Variants in ESX1 observed in about 807,000 individuals in gnomAD.
The protein encoded by ESX1 is homeobox protein ESX1.
In ESX1, 2 loss-of-function variants were observed where a neutral mutation model predicts 13.2. The observed-to-expected ratio is 0.15, with a 90% confidence interval of 0.06 to 0.48. The LOEUF is 0.48. ESX1 is among the 20% of genes least tolerant of loss of function. The pLI, the probability that ESX1 is intolerant of heterozygous loss-of-function variation, is 0.97. For missense variants in ESX1, 307 were observed against 379.0 expected (o/e 0.81, Z 1.58); for synonymous variants, 157 against 163.1 (o/e 0.96, Z 0.29).
Position 104,250,266 on chromosome X carries a change from G to C in ESX1, c.1183C>G (p.Pro395Ala), listed in dbSNP as rs372235695. 7.4e-6 allele frequency: 9 copies of C among 1,210,014 alleles called. No homozygotes were observed. Among genetic ancestry groups the C allele is most frequent in the Non-Finnish European group, 1.0e-5 (9 of 894,510 alleles). ...GLAPVHITWA[P>A]VINSYYACPF... ...CATGCATAATAACTGTTGATGACAG[G>C]GGCCCATGTGATGTGTACAGGAGCC... Residue 395 changes from proline to alanine, a missense_variant, in exon 4 of 4, where the codon CCT becomes GCT. This residue lies in a region of ESX1 where 47 missense variants were observed against 117.0 expected (regional missense o/e 0.40). Transcript: ENST00000372588.
intron 3 of ESX1, among the ~76,000 whole-genome samples, chrX:104,252,437 T>C (rs1160639920): frequency 2.7e-5 from 3 of 112,163 alleles, no homozygotes; most frequent in Non-Finnish European, 5.6e-5. Context: ...GATATATGTA[T>C]GTATGTATGT....
chrX:104,254,123 G>A, intron 2 of ESX1, 31 bp downstream of exon 2: 1 of 1,174,415 alleles, frequency 8.5e-7, no homozygotes, highest in Non-Finnish European at 1.1e-6. Context: ...GTCCCGGGAT[G>A]AACTGGGCGC....
intron 3 of ESX1, among the ~76,000 whole-genome samples, chrX:104,252,241 A>G (rs993659690): frequency 8.9e-6 from 1 of 112,258 alleles, no homozygotes; most frequent in Non-Finnish European, 1.9e-5. Flanking sequence ...TAGGTTTTAA[A>G]TATTTTAAAT....
chrX:104,252,538 G>A (rs1556394583), intron 3 of ESX1, among the ~76,000 whole-genome samples: 2 of 112,200 alleles, frequency 1.8e-5, no homozygotes, highest in East Asian at 2.8e-4. Context: ...TACAGATATA[G>A]AAGGAAGATG....
At chrX:104,252,622 C>A (rs782509984) in intron 3 of ESX1, among the ~76,000 whole-genome samples, 161 bp downstream of exon 3, 1 of 111,765 alleles carries the variant, frequency 8.9e-6, no homozygotes, top group South Asian at 3.7e-4. Context: ...CTGAAGTTTA[C>A]ACATCCTATT....
chrX:104,254,445 T>C lies in ESX1; in HGVS notation c.215A>G (p.Gln72Arg). The C allele has an allele frequency of 8.2e-7, 1 of 1,212,378 alleles. No individual in the cohort carries two copies. The highest frequency in any genetic ancestry group is 1.7e-5 in the African/African-American group (1 of 57,998). Residue 72 changes from glutamine to arginine, a missense_variant, in exon 2 of 4, where the codon CAA becomes CGA. Transcript: ENST00000372588. ...GTGGCCGCCGCCACCCTCACGGTCT[T>C]GGTCGTCCGAGGGGACGGACCCTTC... ...GTEGSVPSDDQDREGGGGHEP... is the reference protein window; with the variant it reads ...GTEGSVPSDDRDREGGGGHEP...
chrX:104,250,154 A>T lies in ESX1; in HGVS notation c.*74T>A. On this transcript the variant is annotated 3_prime_UTR_variant, in exon 4 of 4. Coordinates refer to ENST00000372588, the MANE Select transcript of ESX1 (RefSeq NM_153448.4). ...TCATTTAACAAGCATCTAACGAATT[A>T]CTTGATGCTGTGCTGTGCACAATTT... 1 of 1,111,324 alleles carries T rather than the reference A, an allele frequency of 9.0e-7. No individual in the cohort carries two copies. Among genetic ancestry groups the T allele is most frequent in the African/African-American group, 1.8e-5 (1 of 54,376 alleles). The allele number at this position is 1,111,324 out of a possible 1,213,427, so 91.6% of individuals were successfully genotyped here. A position where few individuals can be genotyped will look rare whatever the true frequency, so the allele number is the denominator to read the frequency against.
chrX:104,253,153 C>CAT (rs1284437014), intron 2 of ESX1, among the ~76,000 whole-genome samples: 1,271 of 62,857 alleles, frequency 0.02, 18 homozygotes, highest in East Asian at 0.071. Flanking sequence ...AAAAAAAAAA[C>CAT]ATATATATAT....
chrX:104,253,565 C>G (rs1160992719), intron 2 of ESX1, among the ~76,000 whole-genome samples: 12 of 111,546 alleles, frequency 1.1e-4, no homozygotes, highest in Non-Finnish European at 1.7e-4. Flanking sequence ...TGCTCTTTGC[C>G]GGGCGAAGGC....
chrX:104,254,076 G>C, intron 2 of ESX1, 78 bp downstream of exon 2: 1 of 1,112,119 alleles, frequency 9.0e-7, no homozygotes, highest in Non-Finnish European at 1.2e-6. Context: ...GGCAGCGCCC[G>C]TGAGCCCCCT....
Position 104,250,615 on chromosome X carries a change from G to A in ESX1, c.834C>T (p.Pro278=), listed in dbSNP as rs369054321. The change falls in exon 4 of 4, where the codon CCC becomes CCT. Residue 278 remains proline, a synonymous_variant. Transcript: ENST00000372588. ...GTGGCACAGGCGCCATGCGTGAGCC[G>A]GGTGGCACAGGCGCCATGGGTGGCA... ...APMPPMAPVP[P]GSRMAPVPPG... is the part of the protein sequence containing the mutation. 45 of 1,202,025 alleles carry A rather than the reference G, an allele frequency of 3.7e-5. No individual in the cohort carries two copies. The African/African-American group carries it at 4.2e-4, about 11-fold the overall frequency.
chrX:104,252,250 ATAAT>A (rs1461563026), intron 3 of ESX1, among the ~76,000 whole-genome samples: 1 of 112,354 alleles, frequency 8.9e-6, no homozygotes, highest in Admixed American at 9.5e-5. Flanking sequence ...AATATTTTAA[ATAAT>A]TTAGTACAGT....
In ESX1 at chrX:104,254,432, A is replaced by G. The variant is rs372065561; in HGVS notation, c.228T>C (p.Gly76=). The G allele has an allele frequency of 5.4e-4, 651 of 1,208,917 alleles. No homozygotes were observed. The highest frequency in any genetic ancestry group is 6.9e-4 in the Middle Eastern group (3 of 4,352). The change falls in exon 2 of 4, where the codon GGT becomes GGC. Residue 76 remains glycine (G), a synonymous_variant. Coordinates refer to ENST00000372588, the MANE Select transcript of ESX1 (RefSeq NM_153448.4). Reference sequence around the variant, plus strand: ...GTTGCTCCGGCTCGTGGCCGCCGCCACCCTCACGGTCTTGGTCGTCCGAGG... The same window carrying G: ...GTTGCTCCGGCTCGTGGCCGCCGCCGCCCTCACGGTCTTGGTCGTCCGAGG... The part of the protein sequence containing the change: ...SVPSDDQDRE[G]GGGHEPEQQQ...
Position 104,250,473 on chromosome X carries a change from G to A in ESX1, c.976C>T (p.Pro326Ser). The A allele has an allele frequency of 1.1e-6, 1 of 936,124 alleles. No individual in the cohort carries two copies. The highest frequency in any genetic ancestry group is 5.0e-5 in the East Asian group (1 of 20,041). 77.1% of individuals were successfully genotyped at this position (936,124 alleles called of 1,213,427 possible). A position where few individuals can be genotyped will look rare whatever the true frequency, so the allele number is the denominator to read the frequency against. Reference protein sequence around the residue: ...PPMAPVPPGPPMARVPPGPPM... With the variant: ...PPMAPVPPGPSMARVPPGPPM... Reference sequence around the variant, plus strand: ...GGCCCGGGTGGCACACGCGCCATGGGCGGCCCGGGTGGCACAGGCGCCATG... The same window carrying A: ...GGCCCGGGTGGCACACGCGCCATGGACGGCCCGGGTGGCACAGGCGCCATG... Residue 326 changes from proline to serine, a missense_variant, in exon 4 of 4, where the codon CCC becomes TCC. Pro to Ser is a moderately conservative substitution (Grantham distance 74). This residue lies in a region of ESX1 where 47 missense variants were observed against 117.0 expected (regional missense o/e 0.40). Coordinates refer to ENST00000372588, the MANE Select transcript of ESX1 (RefSeq NM_153448.4).
rs1330768144 is a variant in ESX1, at chrX:104,250,465, C to T, written c.984G>A (p.Ala328=). The part of the protein sequence containing the change: ...MAPVPPGPPM[A]RVPPGPPMAR... ...CCATGGGCGGCCCGGGTGGCACACG[C>T]GCCATGGGCGGCCCGGGTGGCACAG... The change falls in exon 4 of 4, where the codon GCG becomes GCA. Residue 328 remains alanine (A), a synonymous_variant. Coordinates refer to ENST00000372588, the MANE Select transcript of ESX1 (RefSeq NM_153448.4). 5 of 921,749 alleles carry T rather than the reference C, an allele frequency of 5.4e-6. No individual in the cohort carries two copies. Among genetic ancestry groups the T allele is most frequent in the Admixed American group, 7.2e-5 (1 of 13,986 alleles). The allele number at this position is 921,749 out of a possible 1,213,427, so 76.0% of individuals were successfully genotyped here. A position where few individuals can be genotyped will look rare whatever the true frequency, so the allele number is the denominator to read the frequency against.
In ESX1 at chrX:104,250,366, C is replaced by CGGCCCGGGTGGCAGAGGCGCCATGGGT; in HGVS notation, c.1082_1083insACCCATGGCGCCTCTGCCACCCGGGCC (p.Gly369_Pro377dup). On this transcript the variant is annotated inframe_insertion, in exon 4 of 4. Coordinates refer to ENST00000372588, the MANE Select transcript of ESX1 (RefSeq NM_153448.4). ...GCCCGGGTGGCAGAGGCGCCATGGG[C>CGGCCCGGGTGGCAGAGGCGCCATGGGT]GGCCCGGGTGGCAGAGGCGCCATGG... The CGGCCCGGGTGGCAGAGGCGCCATGGGT allele has an allele frequency of 1.9e-6, 2 of 1,064,807 alleles. No individual in the cohort carries two copies. Among genetic ancestry groups the CGGCCCGGGTGGCAGAGGCGCCATGGGT allele is most frequent in the Non-Finnish European group, 2.4e-6 (2 of 829,019 alleles). 87.8% of individuals were successfully genotyped at this position (1,064,807 alleles called of 1,213,427 possible).
chrX:104,254,907 G>C lies in ESX1; in HGVS notation c.-58C>G. The C allele has an allele frequency of 2.0e-6, 2 of 1,013,973 alleles. No individual in the cohort carries two copies. Among genetic ancestry groups the C allele is most frequent in the South Asian group, 3.9e-5 (2 of 51,590 alleles). 83.6% of individuals were successfully genotyped at this position (1,013,973 alleles called of 1,213,427 possible). On this transcript the variant is annotated 5_prime_UTR_variant, in exon 1 of 4. Transcript: ENST00000372588. Reference sequence around the variant, plus strand: ...CTGCAGACTCTGTGCGTGGTTCCGCGGCGATCCCGGGGTTGGAACTGGCTC... The same window carrying C: ...CTGCAGACTCTGTGCGTGGTTCCGCCGCGATCCCGGGGTTGGAACTGGCTC...
chrX:104,254,579 T>C lies in ESX1; in HGVS notation c.83-2A>G. 8.3e-7 allele frequency: 1 copy of C among 1,205,947 alleles called. No homozygotes were observed. Among genetic ancestry groups the C allele is most frequent in the Non-Finnish European group, 1.1e-6 (1 of 891,140 alleles). ...GCGAGGTCACGGTAAGTTTCTCATC[T>C]GGGAAGGGAGGAAAGCAAAAGAGAC... On this transcript the variant is annotated splice_acceptor_variant, in intron 1 of 3. Transcript: ENST00000372588. LOFTEE classifies it high-confidence loss of function.
In ESX1 at chrX:104,250,045, A is replaced by T; in HGVS notation, c.*183T>A. The T allele has an allele frequency of 1.7e-6, 1 of 578,423 alleles. No homozygotes were observed. Among genetic ancestry groups the T allele is most frequent in the Non-Finnish European group, 2.6e-6 (1 of 391,729 alleles). The allele number at this position is 578,423 out of a possible 1,213,427, so 47.7% of individuals were successfully genotyped here. On this transcript the variant is annotated 3_prime_UTR_variant, in exon 4 of 4. Transcript: ENST00000372588. ...TGGCATACAAAACCAACGTACTATT[A>T]AGTCACATCTTTATTGAAAATACTA...
Sources: gnomAD v4.1 joint callset for allele counts (sites outside exome capture counted in the v4.1 genomes callset) on GRCh38, gnomAD v4.1.1 for gene constraint, gnomAD v4.1.1 regional missense constraint, MANE v1.5 for transcripts, NCBI Gene and HGNC (gene_info 2026-07-23, HGNC 2026-07-21) for gene names.